LNPEP: variants seen among roughly 807,000 people sequenced by gnomAD.
The protein encoded by LNPEP is leucyl-cystinyl aminopeptidase.
LNPEP carries 64 observed loss-of-function variants against 120.6 expected under a neutral mutation model. The ratio of observed to expected loss-of-function variants is 0.53; its 90% CI spans 0.43 to 0.65. The LOEUF is 0.65. LNPEP is among the 30% of genes least tolerant of loss of function. The pLI is 0.00. For synonymous variants in LNPEP, 435 were observed against 425.4 expected (o/e 1.02, Z -0.28); for missense variants, 1,057 against 1,200.0 (o/e 0.88, Z 1.76).
chr5:97,022,290 GTCTCTCT>G lies in LNPEP; in HGVS notation c.2377-9_2377-3del. ...TTATGAAGCCATTATAATCTATTTTGTCTCTCTAGACTAGGGTATTTAAATTACTTCA... is the reference window on the plus strand; with the variant it reads ...TTATGAAGCCATTATAATCTATTTTGAGACTAGGGTATTTAAATTACTTCA... On this transcript the variant is annotated splice_region_variant and splice_polypyrimidine_tract_variant and intron_variant, in intron 13 of 17. Transcript: ENST00000231368. 6.7e-7 allele frequency: 1 copy of G among 1,490,036 alleles called. No homozygotes were observed. Among genetic ancestry groups the G allele is most frequent in the Non-Finnish European group, 9.2e-7 (1 of 1,087,248 alleles). 92.3% of individuals were successfully genotyped at this position (1,490,036 alleles called of 1,614,324 possible). A position where few individuals can be genotyped will look rare whatever the true frequency, so the allele number is the denominator to read the frequency against.
Position 97,022,382 on chromosome 5 carries a change from G to A in LNPEP, c.2459G>A (p.Arg820Gln), listed in dbSNP as rs376619456. 48 of 1,613,744 alleles carry A rather than the reference G, an allele frequency of 3.0e-5. No homozygotes were observed. Among genetic ancestry groups the A allele is most frequent in the Non-Finnish European group, 3.5e-5 (41 of 1,179,876 alleles). ...DEGTPSMREL[R>Q]SALLEFACTH... is the part of the protein sequence containing the mutation. ...GGCACTCCATCTATGCGAGAGCTTC[G>A]GTCAGCCCTGCTAGAGTTTGCTTGC... The change falls in exon 14 of 18, where the codon CGG becomes CAG. Residue 820 changes from arginine (R) to glutamine (Q), a missense_variant. Physicochemically the swap from Arg to Gln is conservative, Grantham distance 43. Coordinates refer to ENST00000231368, the MANE Select transcript of LNPEP (RefSeq NM_005575.3).
At chr5:97,002,980 T>C (rs1366979648) in intron 8 of LNPEP, among the ~76,000 whole-genome samples, 1 of 152,218 alleles carries the variant, frequency 6.6e-6, no homozygotes, top group East Asian at 1.9e-4. Context: ...GGGAGACTTT[T>C]GAGAGCCTTG....
At chr5:97,006,552 T>C in intron 11 of LNPEP, 37 bp downstream of exon 11, 1 of 1,112,520 alleles carries the variant, frequency 9.0e-7, no homozygotes. Context: ...GGAAATGGCA[T>C]AATTTTAAAA....
chr5:96,990,206 G>C (rs183145492), intron 4 of LNPEP, among the ~76,000 whole-genome samples: 99 of 152,226 alleles, frequency 6.5e-4, no homozygotes, highest in African/African-American at 2.3e-3. Flanking sequence ...TCAGGTGCAC[G>C]TGCGTGTGTG....
rs1381266823 is a variant in LNPEP, at chr5:97,037,041, G to A, written c.*8508G>A. ...GTACAATAATACGCTGTGTATGTAT[G>A]TGTATATAAAATGAGAATTATGGCA... On this transcript the variant is annotated 3_prime_UTR_variant, in exon 18 of 18. Transcript: ENST00000231368. The A allele has an allele frequency of 6.6e-6, 1 of 152,196 alleles. No homozygotes were observed. 9.4% of individuals were successfully genotyped at this position (152,196 alleles called of 1,614,324 possible).
chr5:97,003,568 T>G (rs56117839), intron 9 of LNPEP, 22 bp downstream of exon 9: 1 of 1,547,608 alleles, frequency 6.5e-7, no homozygotes. Context: ...GGGTAATTTA[T>G]TTAGCTCTTA....
chr5:97,011,168 T>C (rs1790916967), intron 11 of LNPEP: 1 of 985,280 alleles, frequency 1.0e-6, no homozygotes, highest in South Asian at 4.7e-5. Context: ...TGTCTCCTTT[T>C]ATGGGCAAGG....
At chr5:96,978,271 G>A (rs571785122) in intron 1 of LNPEP, among the ~76,000 whole-genome samples, 8 of 151,842 alleles carry the variant, frequency 5.3e-5, no homozygotes, top group South Asian at 4.2e-4. Context: ...TTGGCAAATC[G>A]GAAGGTGTGG....
chr5:97,035,728 C>G lies in LNPEP; in HGVS notation c.*7195C>G, dbSNP rs1791561589. The G allele has an allele frequency of 6.6e-6, 1 of 152,054 alleles. No homozygotes were observed. The highest frequency in any genetic ancestry group is 2.1e-4 in the South Asian group (1 of 4,832). 9.4% of individuals were successfully genotyped at this position (152,054 alleles called of 1,614,324 possible). A position where few individuals can be genotyped will look rare whatever the true frequency, so the allele number is the denominator to read the frequency against. Reference sequence around the variant, plus strand: ...TCCCTTGCAAGGGGTCTGACTATACCTAACAAAAATAAAGACCTACTAAAT... The same window carrying G: ...TCCCTTGCAAGGGGTCTGACTATACGTAACAAAAATAAAGACCTACTAAAT... On this transcript the variant is annotated 3_prime_UTR_variant, in exon 18 of 18. Transcript: ENST00000231368.
In LNPEP at chr5:97,035,177, G is replaced by A. The variant is rs189151014; in HGVS notation, c.*6644G>A. The A allele has an allele frequency of 1.3e-5, 2 of 151,982 alleles. No homozygotes were observed. Among genetic ancestry groups the A allele is most frequent in the East Asian group, 3.9e-4 (2 of 5,180 alleles). 9.4% of individuals were successfully genotyped at this position (151,982 alleles called of 1,614,324 possible). A position where few individuals can be genotyped will look rare whatever the true frequency, so the allele number is the denominator to read the frequency against. The stretch of plus-strand genomic sequence containing the variant: ...ATTGTTTAATTTTTTTTTATGGGGA[G>A]GGGTTCTTTGGGTGGGTAATAGTCA... On this transcript the variant is annotated 3_prime_UTR_variant, in exon 18 of 18. Transcript: ENST00000231368.
At chr5:97,021,918 CTTTTGTTTTTTTTTT>C (rs1791207426) in intron 13 of LNPEP, among the ~76,000 whole-genome samples, 3 of 50,010 alleles carry the variant, frequency 6.0e-5, no homozygotes, top group Admixed American at 5.9e-4. Context: ...TGTTTTTTGT[CTTTTGTTTTTTTTTT>C]TTTTTTTTTT....
At chr5:97,019,308 G>A (rs1791134312) in intron 13 of LNPEP, among the ~76,000 whole-genome samples, 1 of 151,946 alleles carries the variant, frequency 6.6e-6, no homozygotes, top group African/African-American at 2.4e-5. Context: ...AATTAATTTG[G>A]ATCCTTAGAA....
chr5:96,936,116 C>A lies in LNPEP; in HGVS notation c.-40C>A. The A allele has an allele frequency of 7.9e-6, 12 of 1,515,020 alleles. No individual in the cohort carries two copies. The highest frequency in any genetic ancestry group is 1.1e-5 in the Non-Finnish European group (12 of 1,131,768). 93.8% of individuals were successfully genotyped at this position (1,515,020 alleles called of 1,614,324 possible). A position where few individuals can be genotyped will look rare whatever the true frequency, so the allele number is the denominator to read the frequency against. On this transcript the variant is annotated 5_prime_UTR_variant, in exon 1 of 18. Coordinates refer to ENST00000231368, the MANE Select transcript of LNPEP (RefSeq NM_005575.3). ...CCGCCTCAGCTCTCGGAGTAGGAAG[C>A]TCGGGCGCTCCGGCTGTAAGGAGCC...
At chr5:96,952,619 G>A (rs1789350019) in intron 1 of LNPEP, among the ~76,000 whole-genome samples, 1 of 152,186 alleles carries the variant, frequency 6.6e-6, no homozygotes, top group Admixed American at 6.5e-5. Flanking sequence ...CCTTGGTTAT[G>A]TGCGGATTCT....
rs771720751 is a variant in LNPEP, at chr5:97,003,507, A to G, written c.1746A>G (p.Ala582=). 8 of 1,608,176 alleles carry G rather than the reference A, an allele frequency of 5.0e-6. No homozygotes were observed. The African/African-American group carries it at 6.7e-5, about 13-fold the overall frequency. The stretch of plus-strand genomic sequence containing the variant: ...TTTACCTGCATAATCACAGCTATGC[A>G]TCTATTCAAAGTGATGATCTGTGGG... ...VVLYLHNHSY[A]SIQSDDLWDS... is the part of the protein sequence containing the mutation. Residue 582 remains alanine (A), a synonymous_variant, in exon 9 of 18, where the codon GCA becomes GCG. Transcript: ENST00000231368.
chr5:96,981,579 G>A (rs1387834982), intron 2 of LNPEP, among the ~76,000 whole-genome samples: 1 of 152,142 alleles, frequency 6.6e-6, no homozygotes, highest in Non-Finnish European at 1.5e-5. Context: ...CGAGTACAAG[G>A]ATTCCAGGGT....
chr5:97,003,282 GTATAT>G (rs1301789547), intron 8 of LNPEP, 128 bp from the exon 9 acceptor site: 1 of 556,846 alleles, frequency 1.8e-6, no homozygotes, highest in Non-Finnish European at 3.2e-6. Context: ...CTAAGTAGCA[GTATAT>G]TATAACTAAG....
Position 97,032,332 on chromosome 5 carries a change from T to C in LNPEP, c.*3799T>C, listed in dbSNP as rs915275088. On this transcript the variant is annotated 3_prime_UTR_variant, in exon 18 of 18. Transcript: ENST00000231368. ...TTCTTTTATTTTGTGCTCCATTCCC[T>C]GCTTTGCCAGTTAAGTACTACCTGA... 4.8e-4 allele frequency: 73 copies of C among 152,364 alleles called. No individual in the cohort carries two copies. The highest frequency in any genetic ancestry group is 1.7e-3 in the African/African-American group (71 of 41,586). 9.4% of individuals were successfully genotyped at this position (152,364 alleles called of 1,614,324 possible).
intron 11 of LNPEP, among the ~76,000 whole-genome samples, chr5:97,007,767 C>T (rs930673130): frequency 6.6e-6 from 1 of 151,960 alleles, no homozygotes; most frequent in Non-Finnish European, 1.5e-5. Context: ...AAAATATTGC[C>T]TTAATTAAAT....
Sources: allele counts gnomAD v4.1 joint callset (sites outside exome capture counted in the v4.1 genomes callset), GRCh38; gene constraint gnomAD v4.1.1; transcripts MANE v1.5; gene names NCBI Gene and HGNC (gene_info 2026-07-23, HGNC 2026-07-21).